RBFOX1: variants seen among roughly 807,000 people sequenced by gnomAD.
RBFOX1 encodes the protein RNA binding protein fox-1 homolog 1.
Under a neutral mutation model 57.7 loss-of-function variants are expected in RBFOX1, and 8 were observed. That is an observed-to-expected ratio of 0.14 (90% CI 0.08 to 0.25). RBFOX1 has a LOEUF of 0.25. Ranked by LOEUF, RBFOX1 falls within the 10% of genes least tolerant of loss-of-function variation. The pLI, the probability that RBFOX1 is intolerant of heterozygous loss-of-function variation, is 1.00. For synonymous variants in RBFOX1, 326 were observed against 222.4 expected (o/e 1.47, Z -4.15); for missense variants, 611 against 548.5 (o/e 1.11, Z -1.14).
intron 3 of RBFOX1, among the ~76,000 whole-genome samples, chr16:5,726,764 A>C (rs1457310462): frequency 2.0e-5 from 3 of 152,232 alleles, no homozygotes; most frequent in Non-Finnish European, 4.4e-5. Flanking sequence ...TAGTACAGAT[A>C]TTTTAATATT....
At chr16:5,503,460 G>C (rs1228824049) in intron 2 of RBFOX1, among the ~76,000 whole-genome samples, 1 of 152,160 alleles carries the variant, frequency 6.6e-6, no homozygotes, top group African/African-American at 2.4e-5. Flanking sequence ...TTTTTGAGAC[G>C]GAGTCTTGCT....
intron 1 of RBFOX1, among the ~76,000 whole-genome samples, chr16:6,158,658 GAA>G (rs1311440855): frequency 1.3e-5 from 2 of 152,180 alleles, no homozygotes; most frequent in Non-Finnish European, 2.9e-5. Context: ...GGATGACAGA[GAA>G]AAAGTCAGAC....
At chr16:7,477,954 A>G (rs1480005557) in intron 4 of RBFOX1, among the ~76,000 whole-genome samples, 1 of 152,222 alleles carries the variant, frequency 6.6e-6, no homozygotes, top group Non-Finnish European at 1.5e-5. Context: ...ACTCCCACAC[A>G]TAATTGAGAC....
chr16:5,546,963 A>C (rs2045232813), intron 2 of RBFOX1, among the ~76,000 whole-genome samples: 1 of 152,246 alleles, frequency 6.6e-6, no homozygotes, highest in Non-Finnish European at 1.5e-5. Flanking sequence ...ACATTTTACC[A>C]AATTAGATAT....
chr16:7,369,666 T>C (rs900418826), intron 4 of RBFOX1, among the ~76,000 whole-genome samples: 6 of 152,182 alleles, frequency 3.9e-5, no homozygotes, highest in African/African-American at 1.4e-4. Context: ...GTGAGACTAG[T>C]TTATTCCTGG....
At chr16:5,522,567 G>C (rs145186731) in intron 2 of RBFOX1, among the ~76,000 whole-genome samples, 1 of 152,132 alleles carries the variant, frequency 6.6e-6, no homozygotes, top group South Asian at 2.1e-4. Flanking sequence ...CTCTCTTCTA[G>C]CTATTTTGAG....
chr16:6,856,377 C>A (rs564470975), intron 3 of RBFOX1, among the ~76,000 whole-genome samples: 8 of 152,190 alleles, frequency 5.3e-5, no homozygotes, highest in Non-Finnish European at 1.2e-4. Flanking sequence ...TAGACTATGT[C>A]TCCTTGGAGT....
At position 7,240,215 on chromosome 16, in the gene RBFOX1, C is replaced by T. The variant is rs868596598; in HGVS notation, c.27+188117C>T. 4.6e-5 allele frequency among the ~76,000 whole-genome samples: 7 copies of T among 152,276 alleles called. No individual in the cohort carries two copies. In the South Asian group the frequency reaches 1.0e-3, roughly 23 times the overall value. ...CTCCTGACCTCAGGTGATCCTCCCGCCTCGGCCTCCCAAACTGCTGGGATT... is the reference window on the plus strand; with the variant it reads ...CTCCTGACCTCAGGTGATCCTCCCGTCTCGGCCTCCCAAACTGCTGGGATT... On this transcript the variant is annotated intron_variant, in intron 4 of 15. Coordinates refer to ENST00000550418, the MANE Select transcript of RBFOX1 (RefSeq NM_018723.4).
At position 6,019,327 on chromosome 16, in the gene RBFOX1, C is replaced by CGCT. The variant is rs2095024440; in HGVS notation, c.-789_-787dup. Reference sequence around the variant, plus strand: ...TCCTTTCCAGTCCCCGTGCGAGCCGCGCTGCCGCCGCCTCCTCCAGCCAGA... The same window carrying CGCT: ...TCCTTTCCAGTCCCCGTGCGAGCCGCGCTGCTGCCGCCGCCTCCTCCAGCCAGA... On this transcript the variant is annotated 5_prime_UTR_variant, in exon 1 of 16. Transcript: ENST00000550418. This position sits in a 1 kb window ranked among gnomAD's most constrained non-coding sequence, Gnocchi z 4.2. 1 of 985,504 alleles carries CGCT rather than the reference C, an allele frequency of 1.0e-6. No individual in the cohort carries two copies. Among genetic ancestry groups the CGCT allele is most frequent in the African/African-American group, 1.7e-5 (1 of 57,280 alleles). 61.0% of individuals were successfully genotyped at this position (985,504 alleles called of 1,614,324 possible).
At chr16:7,700,023 G>A (rs1251953377) in intron 14 of RBFOX1, among the ~76,000 whole-genome samples, 2 of 152,022 alleles carry the variant, frequency 1.3e-5, no homozygotes, top group Non-Finnish European at 2.9e-5. Context: ...TGCTGTAGAG[G>A]GACATTCCTT....
intron 3 of RBFOX1, among the ~76,000 whole-genome samples, chr16:7,031,368 G>C (rs750017352): frequency 1.3e-5 from 2 of 152,108 alleles, no homozygotes; most frequent in Non-Finnish European, 2.9e-5. Flanking sequence ...GGCCGAGGCA[G>C]GTGGATCACT....
chr16:7,443,131 G>A (rs2098782151), intron 4 of RBFOX1, among the ~76,000 whole-genome samples: 1 of 152,192 alleles, frequency 6.6e-6, no homozygotes, highest in South Asian at 2.1e-4. Flanking sequence ...CGATTCCTAT[G>A]GAGATGTTTC....
At chr16:7,589,258 T>C (rs1283281917) in intron 7 of RBFOX1, among the ~76,000 whole-genome samples, 1 of 152,214 alleles carries the variant, frequency 6.6e-6, no homozygotes, top group Admixed American at 6.5e-5. Context: ...TTTTTTAATA[T>C]GTTTAATTTA....
At chr16:5,904,245 A>T (rs182894351) in intron 4 of RBFOX1, among the ~76,000 whole-genome samples, 38 of 152,102 alleles carry the variant, frequency 2.5e-4, no homozygotes, top group Non-Finnish European at 4.0e-4. Context: ...GTGAAAAACT[A>T]ATTTTCTGTG....
chr16:7,504,757 A>ATATATATATATT (rs2072496746), intron 4 of RBFOX1, among the ~76,000 whole-genome samples: 2 of 9,390 alleles, frequency 2.1e-4, no homozygotes, highest in Non-Finnish European at 3.2e-4. Flanking sequence ...ATATATATTT[A>ATATATATATATT]TATATATATA....
chr16:5,652,650 C>A (rs575368660), intron 3 of RBFOX1, among the ~76,000 whole-genome samples: 2 of 152,290 alleles, frequency 1.3e-5, no homozygotes, highest in South Asian at 2.1e-4. Flanking sequence ...CATTCAGAAG[C>A]TTAGCTGGGA....
chr16:5,834,464 G>A (rs1178095792), intron 3 of RBFOX1, among the ~76,000 whole-genome samples: 4 of 152,120 alleles, frequency 2.6e-5, no homozygotes, highest in Non-Finnish European at 5.9e-5. Context: ...GTATTCCATG[G>A]CACACATATA....
chr16:5,382,705 G>A (rs945231020), intron 1 of RBFOX1, among the ~76,000 whole-genome samples: 7 of 152,252 alleles, frequency 4.6e-5, no homozygotes, highest in East Asian at 3.9e-4. Flanking sequence ...TGTAAAACCC[G>A]TGTTCTGATT....
intron 3 of RBFOX1, among the ~76,000 whole-genome samples, chr16:5,704,007 C>G (rs1001217163): frequency 6.6e-6 from 1 of 152,130 alleles, no homozygotes; most frequent in Non-Finnish European, 1.5e-5. Context: ...CAGATCTGTT[C>G]TACCTTCAGA....
Sources: gnomAD v4.1 joint callset for allele counts (sites outside exome capture counted in the v4.1 genomes callset) on GRCh38, gnomAD v4.1.1 for gene constraint, Gnocchi (gnomAD v3.1) non-coding constraint, MANE v1.5 for transcripts, NCBI Gene and HGNC (gene_info 2026-07-23, HGNC 2026-07-21) for gene names.